Variants in RIPOR2 observed in about 807,000 individuals in gnomAD.
RIPOR2 encodes RHO family interacting cell polarization regulator 2.
Under a neutral mutation model 114.5 loss-of-function variants are expected in RIPOR2, and 39 were observed. The observed-to-expected ratio is 0.34, with a 90% CI of 0.26 to 0.44. RIPOR2 has a LOEUF of 0.44. Among genes scored for constraint, RIPOR2 ranks in the 20% least tolerant of loss-of-function variants. RIPOR2 has a pLI of 1.00. For synonymous variants in RIPOR2, 445 were observed against 484.4 expected (o/e 0.92, Z 1.07); for missense variants, 1,007 against 1,255.1 (o/e 0.80, Z 2.99).
In RIPOR2 at chr6:24,860,459, G is replaced by A. The variant is rs575701265; in HGVS notation, c.715+514C>T. ...ATGTACAAGGCATTTTTGAGACAAC[G>A]GGGGAAATCTGATAATGGAATGGGT... On this transcript the variant is annotated intron_variant, in intron 8 of 21. Coordinates refer to ENST00000643898, the MANE Select transcript of RIPOR2 (RefSeq NM_001286445.3). Among the ~76,000 whole-genome samples, 29 of 152,234 alleles carry A rather than the reference G, an allele frequency of 1.9e-4. No homozygotes were observed. The East Asian group carries it at 5.0e-3, about 26-fold the overall frequency.
At chr6:25,005,744 T>TACAC (rs1775537341) in intron 1 of RIPOR2, among the ~76,000 whole-genome samples, 1 of 118,188 alleles carries the variant, frequency 8.5e-6, no homozygotes, top group Non-Finnish European at 1.8e-5. Context: ...TATATATACA[T>TACAC]TTACCGATCA....
chr6:24,874,600 G>A (rs564858904), intron 2 of RIPOR2, among the ~76,000 whole-genome samples: 1 of 152,288 alleles, frequency 6.6e-6, no homozygotes, highest in African/African-American at 2.4e-5. Flanking sequence ...ATTCTGAGTG[G>A]AAATGTATTG....
chr6:25,028,853 A>C (rs557925776), intron 1 of RIPOR2, among the ~76,000 whole-genome samples: 3 of 152,210 alleles, frequency 2.0e-5, no homozygotes, highest in Non-Finnish European at 4.4e-5. Context: ...AGGGTGGGAA[A>C]GTATGGGGAA....
intron 1 of RIPOR2, among the ~76,000 whole-genome samples, chr6:24,985,303 A>C (rs1774482265): frequency 6.6e-6 from 1 of 152,130 alleles, no homozygotes; most frequent in Admixed American, 6.5e-5. Context: ...ATAACCAGGG[A>C]CAACAGTTGA....
intron 1 of RIPOR2, among the ~76,000 whole-genome samples, chr6:25,029,947 C>T (rs145244686): frequency 1.3e-5 from 2 of 152,212 alleles, no homozygotes; most frequent in Non-Finnish European, 2.9e-5. Context: ...ACTTTTAACT[C>T]AAGGTAGGGA....
At chr6:24,818,677 A>G (rs1375052855) in intron 19 of RIPOR2, 52 bp from the exon 20 acceptor site, 24 of 1,195,056 alleles carry the variant, frequency 2.0e-5, no homozygotes. Context: ...TTCGTAGTTT[A>G]AGAGGTATAC....
At chr6:24,820,157 C>T (rs941084599) in intron 19 of RIPOR2, among the ~76,000 whole-genome samples, 6 of 152,042 alleles carry the variant, frequency 3.9e-5, no homozygotes, top group Non-Finnish European at 5.9e-5. Context: ...CTCAGCCTCC[C>T]TAGTAGCTGG....
At chr6:25,017,952 C>T (rs534092335) in intron 1 of RIPOR2, among the ~76,000 whole-genome samples, 2 of 152,312 alleles carry the variant, frequency 1.3e-5, no homozygotes, top group East Asian at 3.9e-4. Flanking sequence ...ATAGTTAAAA[C>T]ACGTTTCTGC....
intron 1 of RIPOR2, 46 bp downstream of exon 1, chr6:24,935,792 A>G: frequency 1.4e-6 from 2 of 1,420,092 alleles, no homozygotes; most frequent in Non-Finnish European, 1.9e-6. Context: ...GTGTCAAAAC[A>G]AAGCAAAGCA....
intron 1 of RIPOR2, among the ~76,000 whole-genome samples, chr6:25,021,605 A>G (rs1181694445): frequency 5.3e-5 from 8 of 152,198 alleles, no homozygotes; most frequent in African/African-American, 1.9e-4. Flanking sequence ...GCAAAGGCAT[A>G]AGAAAGACAC....
At chr6:24,869,566 C>T (rs1300815464) in intron 5 of RIPOR2, among the ~76,000 whole-genome samples, 2 of 152,146 alleles carry the variant, frequency 1.3e-5, no homozygotes, top group East Asian at 3.8e-4. Flanking sequence ...GATCCACCTG[C>T]CTTGGCCTCC....
intron 18 of RIPOR2, among the ~76,000 whole-genome samples, chr6:24,826,545 A>G (rs1395257096): frequency 6.6e-6 from 1 of 151,464 alleles, no homozygotes; most frequent in African/African-American, 2.4e-5. Context: ...ATGCTCTATC[A>G]ATTTCACTGC....
At chr6:25,030,232 C>T (rs892254474) in intron 1 of RIPOR2, among the ~76,000 whole-genome samples, 4 of 152,112 alleles carry the variant, frequency 2.6e-5, no homozygotes, top group Non-Finnish European at 5.9e-5. Context: ...GTAGGGTTGA[C>T]GACTGGCCTA....
At chr6:24,881,235 G>A (rs536868316) in intron 1 of RIPOR2, among the ~76,000 whole-genome samples, 1 of 152,242 alleles carries the variant, frequency 6.6e-6, no homozygotes, top group South Asian at 2.1e-4. Flanking sequence ...CTGGGGCTTT[G>A]AAAAATGTTT....
intron 1 of RIPOR2, among the ~76,000 whole-genome samples, chr6:24,930,748 G>T (rs1771324915): frequency 6.6e-6 from 1 of 152,186 alleles, no homozygotes. Flanking sequence ...GAATTCGGGG[G>T]TGGAAATTGA....
intron 1 of RIPOR2, among the ~76,000 whole-genome samples, chr6:24,932,297 G>A (rs1011513697): frequency 9.9e-5 from 15 of 150,878 alleles, no homozygotes; most frequent in African/African-American, 3.7e-4. Flanking sequence ...GATGTTGTTA[G>A]GAAAGCAAAC....
chr6:24,844,752 C>T (rs1055275433), intron 12 of RIPOR2, among the ~76,000 whole-genome samples: 1 of 152,186 alleles, frequency 6.6e-6, no homozygotes, highest in Non-Finnish European at 1.5e-5. Context: ...GCTGGGATTA[C>T]AGGCGTGAGC....
Position 24,830,804 on chromosome 6 carries a change from C to T in RIPOR2, c.2345-134G>A, listed in dbSNP as rs1347791242. 5 of 880,872 alleles carry T rather than the reference C, an allele frequency of 5.7e-6. No individual in the cohort carries two copies. The African/African-American group carries it at 6.8e-5, about 12-fold the overall frequency. The allele number at this position is 880,872 out of a possible 1,614,324, so 54.6% of individuals were successfully genotyped here. On this transcript the variant is annotated intron_variant, in intron 16 of 21. Coordinates refer to ENST00000643898, the MANE Select transcript of RIPOR2 (RefSeq NM_001286445.3). ...GATCTCAGCTCACTGGAACTTCCGCCTCCTGGGTTCAAGTGATTCTCTTGC... is the reference window on the plus strand; with the variant it reads ...GATCTCAGCTCACTGGAACTTCCGCTTCCTGGGTTCAAGTGATTCTCTTGC...
intron 1 of RIPOR2, among the ~76,000 whole-genome samples, chr6:24,932,479 T>C (rs1301933535): frequency 7.9e-5 from 12 of 152,154 alleles, no homozygotes; most frequent in Admixed American, 7.9e-4. Context: ...ATGCAACCTG[T>C]TTTAGAACAA....
Sources: gnomAD v4.1 joint callset for allele counts (sites outside exome capture counted in the v4.1 genomes callset) on GRCh38, gnomAD v4.1.1 for gene constraint, MANE v1.5 for transcripts, NCBI Gene and HGNC (gene_info 2026-07-23, HGNC 2026-07-21) for gene names.